FOXP2: variants seen among roughly 807,000 people sequenced by gnomAD.
FOXP2 encodes forkhead box protein P2.
FOXP2 carries 12 observed loss-of-function variants against 115.8 expected under a neutral mutation model. That is an observed-to-expected ratio of 0.10 (90% CI 0.07 to 0.17). The LOEUF (loss-of-function observed/expected upper bound fraction) is 0.17, where lower values mean the gene tolerates loss of function less well. FOXP2 is among the 10% of genes least tolerant of loss of function. The pLI is 1.00. For missense variants in FOXP2, 629 were observed against 843.5 expected (o/e 0.75, Z 3.15); for synonymous variants, 328 against 297.7 (o/e 1.10, Z -1.05).
intron 2 of FOXP2, among the ~76,000 whole-genome samples, chr7:114,447,825 G>A (rs1794903759): frequency 6.6e-6 from 1 of 152,094 alleles, no homozygotes; most frequent in African/African-American, 2.4e-5. Context: ...CTCTGGGAAG[G>A]ACCATTTTTC....
chr7:114,681,821 G>T (rs928193660), intron 16 of FOXP2, among the ~76,000 whole-genome samples: 8 of 152,130 alleles, frequency 5.3e-5, no homozygotes, highest in Admixed American at 1.3e-4. Context: ...CCAGGCATCT[G>T]ATATGTGAGG....
chr7:114,245,087 CT>C (rs1345018950), intron 1 of FOXP2, among the ~76,000 whole-genome samples: 13 of 152,252 alleles, frequency 8.5e-5, no homozygotes, highest in African/African-American at 3.1e-4. Flanking sequence ...TATATACATT[CT>C]ATTTTATTCA....
At chr7:114,463,237 G>C (rs1039676047) in intron 2 of FOXP2, 1 of 219,024 alleles carries the variant, frequency 4.6e-6, no homozygotes, top group African/African-American at 2.4e-5. Flanking sequence ...TCAATGATTA[G>C]TATATGTAGA....
intron 1 of FOXP2, among the ~76,000 whole-genome samples, chr7:114,099,947 G>A (rs1203871709): frequency 6.6e-6 from 1 of 152,066 alleles, no homozygotes; most frequent in Non-Finnish European, 1.5e-5. Context: ...GACTACTTGA[G>A]GTAATCAATA....
At chr7:114,668,992 T>C (rs1807339592) in intron 16 of FOXP2, 1 of 152,086 alleles carries the variant, frequency 6.6e-6, no homozygotes, top group Non-Finnish European at 1.5e-5. Flanking sequence ...ATGTTCATTT[T>C]TATGTGGGAG....
rs1804773722 is a variant in FOXP2, at chr7:114,629,511, A to G, written c.397-294A>G. ...TATAGCCTAGTTTTTATGTGTCAGTAGGACTTCAGATGTAATAATTTAAAG... is the reference window on the plus strand; with the variant it reads ...TATAGCCTAGTTTTTATGTGTCAGTGGGACTTCAGATGTAATAATTTAAAG... On this transcript the variant is annotated intron_variant, in intron 4 of 16. Coordinates refer to ENST00000350908, the MANE Select transcript of FOXP2 (RefSeq NM_014491.4). 6.7e-6 allele frequency: 8 copies of G among 1,199,194 alleles called. No homozygotes were observed. In the South Asian group the frequency reaches 9.4e-5, roughly 14 times the overall value. 74.3% of individuals were successfully genotyped at this position (1,199,194 alleles called of 1,614,324 possible).
chr7:114,401,734 A>T (rs559459168), intron 2 of FOXP2, among the ~76,000 whole-genome samples: 27 of 152,212 alleles, frequency 1.8e-4, no homozygotes, highest in Non-Finnish European at 3.8e-4. Flanking sequence ...TAACATTTAG[A>T]ATGAAAGCAA....
At chr7:114,297,557 CAGTT>C (rs1258299061) in intron 2 of FOXP2, 1 of 229,830 alleles carries the variant, frequency 4.4e-6, no homozygotes, top group African/African-American at 2.3e-5. Context: ...AACCCTGTCA[CAGTT>C]AGGCATAAAG....
intron 2 of FOXP2, among the ~76,000 whole-genome samples, chr7:114,505,833 G>A (rs1057507403): frequency 5.3e-5 from 8 of 151,634 alleles, no homozygotes; most frequent in East Asian, 3.9e-4. Flanking sequence ...GTATAAGGGC[G>A]GGGGTAGTTG....
rs1439295075 is a variant in FOXP2 at position 114,212,114 on chromosome 7, TAAAATAAA to T, written c.-102+49028_-102+49035del. 9.4e-3 allele frequency among the ~76,000 whole-genome samples: 715 copies of T among 76,176 alleles called. 3 individuals are homozygous for T. Among genetic ancestry groups the T allele is most frequent in the Middle Eastern group, 0.03 (3 of 100 alleles). 50.0% of individuals were successfully genotyped at this position (76,176 alleles called of 152,430 possible). On this transcript the variant is annotated intron_variant, in intron 1 of 17. Transcript: ENST00000634411. ...TAAAATAAAATAAAATAAAATAAAA[TAAAATAAA>T]ATATATATATATATTCTTTGTTTCC...
intron 2 of FOXP2, among the ~76,000 whole-genome samples, chr7:114,497,385 C>T (rs866626423): frequency 1.3e-5 from 2 of 152,142 alleles, no homozygotes; most frequent in African/African-American, 2.4e-5. Context: ...TGCTGGCTCA[C>T]GCTTGTAATC....
chr7:114,313,018 G>A (rs1193960311), intron 2 of FOXP2, among the ~76,000 whole-genome samples: 1 of 152,188 alleles, frequency 6.6e-6, no homozygotes, highest in Admixed American at 6.5e-5. Flanking sequence ...GTCTCTCAGA[G>A]TATTTTATAA....
intron 16 of FOXP2, among the ~76,000 whole-genome samples, chr7:114,679,417 C>T (rs564667161): frequency 6.6e-6 from 1 of 152,330 alleles, no homozygotes; most frequent in African/African-American, 2.4e-5. Flanking sequence ...CATTTGGCAA[C>T]TCTACCTGCA....
At chr7:114,401,895 C>A (rs1018924329) in intron 2 of FOXP2, among the ~76,000 whole-genome samples, 5 of 152,040 alleles carry the variant, frequency 3.3e-5, no homozygotes, top group Non-Finnish European at 5.9e-5. Flanking sequence ...CCAAGGCAGG[C>A]GGATCACTTG....
chr7:114,101,174 C>A (rs542546658), intron 1 of FOXP2, among the ~76,000 whole-genome samples: 1 of 152,228 alleles, frequency 6.6e-6, no homozygotes, highest in East Asian at 1.9e-4. Flanking sequence ...AAATGAGGAA[C>A]CCCATGTTTA....
chr7:114,590,712 C>T (rs376259187), intron 3 of FOXP2, among the ~76,000 whole-genome samples: 35 of 152,066 alleles, frequency 2.3e-4, no homozygotes, highest in African/African-American at 8.2e-4. Flanking sequence ...ATTGTAAGGG[C>T]TAGTATTTGA....
intron 1 of FOXP2, among the ~76,000 whole-genome samples, chr7:114,266,080 A>AT (rs1795887754): frequency 6.6e-6 from 1 of 151,990 alleles, no homozygotes; most frequent in African/African-American, 2.4e-5. Context: ...ATGAAAAAAA[A>AT]AACAAAAAAC....
At chr7:114,150,665 A>G (rs1023050331) in intron 1 of FOXP2, among the ~76,000 whole-genome samples, 7 of 152,040 alleles carry the variant, frequency 4.6e-5, no homozygotes, top group Non-Finnish European at 7.4e-5. Context: ...AAATAGATAT[A>G]TATTCTTTAT....
At position 114,392,610 on chromosome 7, in the gene FOXP2, A is replaced by T. The variant is rs1458470782; in HGVS notation, c.-10-33892A>T. On this transcript the variant is annotated intron_variant, in intron 2 of 17. Transcript: ENST00000634411. The stretch of plus-strand genomic sequence containing the variant: ...TGAAGCTTTTCTGATAGAAATAAAT[A>T]ATGAGCTTCCTTCCCATGGCTCTGA... Among the ~76,000 whole-genome samples, 5 of 152,190 alleles carry T rather than the reference A, an allele frequency of 3.3e-5. 1 individual carries two copies. The highest frequency in any genetic ancestry group is 7.3e-5 in the Non-Finnish European group (5 of 68,034).
Sources: gnomAD v4.1 joint callset for allele counts (sites outside exome capture counted in the v4.1 genomes callset) on GRCh38, gnomAD v4.1.1 for gene constraint, MANE v1.5 for transcripts, NCBI Gene and HGNC (gene_info 2026-07-23, HGNC 2026-07-21) for gene names.